CSMD1: variants seen among roughly 807,000 people sequenced by gnomAD.
CSMD1 encodes CUB and sushi domain-containing protein 1.
Under a neutral mutation model 417.5 loss-of-function variants are expected in CSMD1, and 213 were observed. That is an observed-to-expected ratio of 0.51 (90% CI 0.46 to 0.57). The LOEUF (loss-of-function observed/expected upper bound fraction) is 0.57. Ranked by LOEUF, CSMD1 falls within the 20% of genes least tolerant of loss-of-function variation. The pLI is 0.00. For missense variants in CSMD1, 6,923 were observed against 4,529.7 expected (o/e 1.53, Z -15.17); for synonymous variants, 2,862 against 1,736.8 (o/e 1.65, Z -16.11).
chr8:3,524,834 A>C (rs980747190), intron 10 of CSMD1, among the ~76,000 whole-genome samples: 1 of 152,066 alleles, frequency 6.6e-6, no homozygotes, highest in Non-Finnish European at 1.5e-5. Context: ...GCACACACAG[A>C]GCCTTTACAA....
At chr8:3,997,616 A>C (rs1283619075) in intron 5 of CSMD1, among the ~76,000 whole-genome samples, 2 of 152,178 alleles carry the variant, frequency 1.3e-5, no homozygotes, top group Non-Finnish European at 2.9e-5. Flanking sequence ...ACCCAAAACT[A>C]ACTCACCTTA....
At chr8:4,789,475 C>T (rs1392869885) in intron 1 of CSMD1, among the ~76,000 whole-genome samples, 2 of 152,130 alleles carry the variant, frequency 1.3e-5, no homozygotes, top group Non-Finnish European at 2.9e-5. Context: ...ACGCCTGGCA[C>T]CTGGTTTACA....
At chr8:4,577,247 T>G (rs2130681052) in intron 2 of CSMD1, among the ~76,000 whole-genome samples, 1 of 152,332 alleles carries the variant, frequency 6.6e-6, no homozygotes, top group East Asian at 1.9e-4. Flanking sequence ...AAAAATTCAC[T>G]TAGCAGTCTG....
chr8:3,597,853 G>C (rs997233541), intron 8 of CSMD1, among the ~76,000 whole-genome samples: 36 of 152,148 alleles, frequency 2.4e-4, no homozygotes, highest in Non-Finnish European at 4.6e-4. Context: ...GGGGACTAGG[G>C]GAGGGATAGC....
intron 7 of CSMD1, among the ~76,000 whole-genome samples, chr8:3,643,480 A>T (rs1484631959): frequency 1.3e-5 from 2 of 152,020 alleles, no homozygotes; most frequent in Non-Finnish European, 2.9e-5. Flanking sequence ...AGGTAGGCGG[A>T]TCACAAGGTC....
At chr8:3,655,799 A>G (rs1249532917) in intron 7 of CSMD1, among the ~76,000 whole-genome samples, 1 of 152,134 alleles carries the variant, frequency 6.6e-6, no homozygotes, top group Admixed American at 6.6e-5. Flanking sequence ...TAATAGCAAG[A>G]AAGAAAGTCT....
chr8:3,716,341 A>G (rs1343040882), intron 6 of CSMD1, among the ~76,000 whole-genome samples: 1 of 152,246 alleles, frequency 6.6e-6, no homozygotes. Context: ...GAGGAATAAA[A>G]GAAGGGCTAC....
At chr8:3,682,904 A>C (rs1220211964) in intron 7 of CSMD1, among the ~76,000 whole-genome samples, 1 of 152,192 alleles carries the variant, frequency 6.6e-6, no homozygotes, top group Non-Finnish European at 1.5e-5. Context: ...AACATGGATG[A>C]AGCTGGAAAC....
intron 3 of CSMD1, among the ~76,000 whole-genome samples, chr8:4,380,337 T>G (rs1377330839): frequency 6.6e-6 from 1 of 152,150 alleles, no homozygotes; most frequent in Non-Finnish European, 1.5e-5. Context: ...TACATTGTCA[T>G]GGGAATGACA....
chr8:3,523,020 CA>C (rs1797574551), intron 10 of CSMD1, among the ~76,000 whole-genome samples: 1 of 141,882 alleles, frequency 7.0e-6, no homozygotes, highest in African/African-American at 2.5e-5. Flanking sequence ...CACACCCACA[CA>C]CACACACACA....
At chr8:4,116,105 T>C (rs1802130269) in intron 3 of CSMD1, among the ~76,000 whole-genome samples, 1 of 151,902 alleles carries the variant, frequency 6.6e-6, no homozygotes, top group South Asian at 2.1e-4. Flanking sequence ...TTCAAGCGAT[T>C]TTCCTACCTC....
chr8:4,030,482 G>A (rs369158985), intron 4 of CSMD1, among the ~76,000 whole-genome samples: 3 of 152,296 alleles, frequency 2.0e-5, no homozygotes, highest in Admixed American at 6.5e-5. Flanking sequence ...GCCCCTTTCA[G>A]CCACAGTTGG....
intron 40 of CSMD1, among the ~76,000 whole-genome samples, chr8:3,148,094 T>C (rs965807690): frequency 9.2e-5 from 14 of 152,284 alleles, no homozygotes; most frequent in African/African-American, 3.1e-4. Flanking sequence ...CTTTTCTGAG[T>C]TGTAACCACA....
chr8:4,201,375 A>G (rs1799634486), intron 3 of CSMD1, among the ~76,000 whole-genome samples: 1 of 151,956 alleles, frequency 6.6e-6, no homozygotes, highest in African/African-American at 2.4e-5. Flanking sequence ...CATCTCTACT[A>G]AAAATACAAA....
chr8:4,042,041 C>T (rs1349526255), intron 3 of CSMD1, among the ~76,000 whole-genome samples: 10 of 152,026 alleles, frequency 6.6e-5, no homozygotes, highest in Non-Finnish European at 1.0e-4. Context: ...TTTGGGACAT[C>T]TCCAAGCAGA....
At chr8:4,840,714 T>G (rs930219161) in intron 1 of CSMD1, among the ~76,000 whole-genome samples, 3 of 152,218 alleles carry the variant, frequency 2.0e-5, no homozygotes, top group Non-Finnish European at 4.4e-5. Flanking sequence ...CTTTTTTATC[T>G]TCTGAAGACC....
At chr8:4,675,544 T>A (rs1158944228) in intron 1 of CSMD1, among the ~76,000 whole-genome samples, 1 of 152,144 alleles carries the variant, frequency 6.6e-6, no homozygotes, top group Non-Finnish European at 1.5e-5. Context: ...TGAGAATGGT[T>A]TGATATTTCA....
chr8:4,753,854 T>A (rs1480802501), intron 1 of CSMD1, among the ~76,000 whole-genome samples: 5 of 152,208 alleles, frequency 3.3e-5, no homozygotes, highest in African/African-American at 1.2e-4. Flanking sequence ...ATAATTGAAC[T>A]AGATTCCTTT....
intron 49 of CSMD1, among the ~76,000 whole-genome samples, chr8:3,083,428 A>C (rs77642430): frequency 0.032 from 4,861 of 150,828 alleles, 124 homozygotes; most frequent in Non-Finnish European, 0.05. Flanking sequence ...TCAGCCTCAA[A>C]ATAACTTTTC....
Sources: allele counts gnomAD v4.1 joint callset (sites outside exome capture counted in the v4.1 genomes callset), GRCh38; gene constraint gnomAD v4.1.1; transcripts MANE v1.5; gene names NCBI Gene and HGNC (gene_info 2026-07-23, HGNC 2026-07-21).